ZBTB25: variants seen among roughly 807,000 people sequenced by gnomAD.
ZBTB25 encodes zinc finger and BTB domain containing 25, also known as zinc finger and BTB domain-containing protein 25.
ZBTB25 carries 20 observed loss-of-function variants against 34.2 expected under a neutral mutation model. The ratio of observed to expected loss-of-function variants is 0.58; its 90% CI spans 0.41 to 0.85. The LOEUF is 0.85. ZBTB25 is among the 40% of genes least tolerant of loss of function. The pLI is 0.00. For synonymous variants in ZBTB25, 175 were observed against 186.4 expected (o/e 0.94, Z 0.50); for missense variants, 437 against 521.8 (o/e 0.84, Z 1.58).
rs2078809294 is a variant in ZBTB25 at position 64,482,791 on chromosome 14, CT to C, written c.*4131del. 1 of 152,148 alleles carries C rather than the reference CT, an allele frequency of 6.6e-6. No individual in the cohort carries two copies. Among genetic ancestry groups the C allele is most frequent in the Middle Eastern group, 3.2e-3 (1 of 316 alleles). The allele number at this position is 152,148 out of a possible 1,614,324, so 9.4% of individuals were successfully genotyped here. Reference sequence around the variant, plus strand: ...GGCTGAAATACTAAAGTTAATAGGTCTAGCTACAGAATAAATGTCGTTTATA... The same window carrying C: ...GGCTGAAATACTAAAGTTAATAGGTCAGCTACAGAATAAATGTCGTTTATA... On this transcript the variant is annotated 3_prime_UTR_variant, in exon 3 of 3. Transcript: ENST00000608382.
At chr14:64,491,336 T>C (rs941946287) in intron 1 of ZBTB25, among the ~76,000 whole-genome samples, 1 of 152,084 alleles carries the variant, frequency 6.6e-6, no homozygotes, top group Non-Finnish European at 1.5e-5. Flanking sequence ...TATGGTGGCA[T>C]GCACCTGTAC....
At chr14:64,498,298 GCA>G (rs1165455816) in intron 1 of ZBTB25, among the ~76,000 whole-genome samples, 1 of 151,768 alleles carries the variant, frequency 6.6e-6, no homozygotes, top group Non-Finnish European at 1.5e-5. Context: ...TAGGGGTGAG[GCA>G]CAGATTCTTT....
At chr14:64,454,949 G>C (rs771168407) in intron 2 of ZBTB25, 5 of 1,494,420 alleles carry the variant, frequency 3.3e-6, no homozygotes, top group South Asian at 1.1e-5. Context: ...AAACCATCAA[G>C]CAAATGCCAA....
chr14:64,504,713 G>A, upstream of ZBTB25: 1 of 371,756 alleles, frequency 2.7e-6, no homozygotes, highest in Non-Finnish European at 4.8e-6. Flanking sequence ...CGCCGCGTAA[G>A]CGGGGCCGGC....
intron 2 of ZBTB25, chr14:64,472,383 T>C (rs532219992): frequency 6.0e-6 from 1 of 167,198 alleles, no homozygotes; most frequent in Non-Finnish European, 1.5e-5. Context: ...TAGCAGTTAT[T>C]GGAAATATTT....
chr14:64,496,629 C>T (rs532541627), intron 1 of ZBTB25, among the ~76,000 whole-genome samples: 24 of 152,102 alleles, frequency 1.6e-4, no homozygotes, highest in African/African-American at 5.1e-4. Flanking sequence ...CATATTTTTT[C>T]CTAAAAAATT....
At chr14:64,502,756 AG>A (rs1184911664) in intron 1 of ZBTB25, 1 of 978,952 alleles carries the variant, frequency 1.0e-6, no homozygotes, top group Non-Finnish European at 1.2e-6. Context: ...TTGGAGTCTT[AG>A]CTATCAAGAG....
chr14:64,463,683 G>A (rs1171880562), intron 2 of ZBTB25, among the ~76,000 whole-genome samples: 2 of 150,812 alleles, frequency 1.3e-5, no homozygotes, highest in Non-Finnish European at 2.9e-5. Flanking sequence ...TGTGGTCCCA[G>A]CTGCATGGGA....
chr14:64,490,587 C>A, intron 1 of ZBTB25, 47 bp from the exon 2 acceptor site: 2 of 1,437,666 alleles, frequency 1.4e-6, no homozygotes, highest in Non-Finnish European at 1.9e-6. Flanking sequence ...TATGTATATA[C>A]GCATTATTTT....
chr14:64,497,926 T>C (rs1796440299), intron 1 of ZBTB25, among the ~76,000 whole-genome samples: 1 of 152,214 alleles, frequency 6.6e-6, no homozygotes, highest in South Asian at 2.1e-4. Flanking sequence ...TCTCTGTCAA[T>C]GCTTACCACT....
In ZBTB25 at chr14:64,478,632, T is replaced by C. The variant is rs983158643; in HGVS notation, c.*8291A>G. 2 of 152,164 alleles carry C rather than the reference T, an allele frequency of 1.3e-5. No homozygotes were observed. Among genetic ancestry groups the C allele is most frequent in the Non-Finnish European group, 2.9e-5 (2 of 68,030 alleles). The allele number at this position is 152,164 out of a possible 1,614,324, so 9.4% of individuals were successfully genotyped here. On this transcript the variant is annotated 3_prime_UTR_variant, in exon 3 of 3. Coordinates refer to ENST00000608382, the MANE Select transcript of ZBTB25 (RefSeq NM_006977.5). ...AGAAATGCTCAATGTAGCACAATAA[T>C]GTGATATTTTAAAAAGTTATCTGCT...
intron 1 of ZBTB25, among the ~76,000 whole-genome samples, chr14:64,494,761 A>C (rs2057130): frequency 0.38 from 58,319 of 152,148 alleles, 12,554 homozygotes; most frequent in East Asian, 0.65. Context: ...CATATGAAAG[A>C]AACCTGGAGT....
intron 1 of ZBTB25, among the ~76,000 whole-genome samples, chr14:64,491,454 A>C (rs900186269): frequency 6.6e-6 from 1 of 151,968 alleles, no homozygotes; most frequent in Non-Finnish European, 1.5e-5. Context: ...CAACAGTGAG[A>C]CTCTGTCTCA....
chr14:64,492,310 G>A (rs2079112685), intron 1 of ZBTB25, among the ~76,000 whole-genome samples: 1 of 151,588 alleles, frequency 6.6e-6, no homozygotes, highest in Non-Finnish European at 1.5e-5. Context: ...GGGTTTAAGC[G>A]ATTCTCCTGC....
downstream of ZBTB25, among the ~76,000 whole-genome samples, chr14:64,477,427 G>T (rs1390312861): frequency 2.0e-5 from 3 of 152,114 alleles, no homozygotes; most frequent in South Asian, 2.1e-4. Context: ...TTTCCTCATA[G>T]ACGTTAAAAT....
rs372249757 is a variant in ZBTB25 at position 64,449,605 on chromosome 14, C to A, written c.207G>T (p.Glu69Asp). Residue 69 changes from glutamate to aspartate, a missense_variant, in exon 3 of 3, where the codon GAG (glutamate) becomes GAT (aspartate). By Grantham distance (45) the Glu-to-Asp change is conservative. Transcript: ENST00000555220. ...AGCACAAGCACCCAGCAGCTTCCAG[C>A]TCCTTTATGACCTCAAGGTGGGTGA... is the stretch of plus-strand genomic sequence containing the variant. The A allele has an allele frequency of 3.7e-6, 6 of 1,614,032 alleles. No homozygotes were observed. The African/African-American group carries it at 6.7e-5, about 18-fold the overall frequency.
chr14:64,450,086 G>A (rs765816037), intron 2 of ZBTB25, among the ~76,000 whole-genome samples: 3 of 152,146 alleles, frequency 2.0e-5, no homozygotes, highest in Non-Finnish European at 2.9e-5. Flanking sequence ...CACTGCGTCC[G>A]CCCAGACAGC....
upstream of ZBTB25, chr14:64,505,024 A>ACTGCGGGGCCGGAGGGGCGCCGATCC (rs2079620626): frequency 2.6e-6 from 1 of 386,122 alleles, no homozygotes; most frequent in East Asian, 3.7e-5. Flanking sequence ...GGCCTGGCGG[A>ACTGCGGGGCCGGAGGGGCGCCGATCC]GTGCGGGGCC....
Position 64,485,421 on chromosome 14 carries a change from A to G in ZBTB25, c.*1502T>C. 4 of 985,472 alleles carry G rather than the reference A, an allele frequency of 4.1e-6. No individual in the cohort carries two copies. Among genetic ancestry groups the G allele is most frequent in the Non-Finnish European group, 4.8e-6 (4 of 829,932 alleles). The allele number at this position is 985,472 out of a possible 1,614,324, so 61.0% of individuals were successfully genotyped here. A position where few individuals can be genotyped will look rare whatever the true frequency, so the allele number is the denominator to read the frequency against. ...ACTATGCGGGGTTTGAAATTTAAAC[A>G]TTTCAGAAACAATTTAGATCTATCC... On this transcript the variant is annotated 3_prime_UTR_variant, in exon 3 of 3. Coordinates refer to ENST00000608382, the MANE Select transcript of ZBTB25 (RefSeq NM_006977.5).
Sources: allele counts gnomAD v4.1 joint callset (sites outside exome capture counted in the v4.1 genomes callset), GRCh38; gene constraint gnomAD v4.1.1; transcripts MANE v1.5; gene names NCBI Gene and HGNC (gene_info 2026-07-23, HGNC 2026-07-21).